The following ABHD3 variants were observed in gnomAD, a reference collection of about 807,000 sequenced individuals.
ABHD3 encodes the protein phospholipase ABHD3.
A neutral mutation model predicts 48.8 loss-of-function variants in ABHD3; 46 were observed. The ratio of observed to expected loss-of-function variants is 0.94; its 90% CI spans 0.74 to 1.20. ABHD3 has a LOEUF of 1.20. Ranked by LOEUF, ABHD3 falls within the 50% of genes most tolerant of loss-of-function variation. The pLI is 0.00. For missense variants in ABHD3, 490 were observed against 497.8 expected (o/e 0.98, Z 0.15); for synonymous variants, 192 against 183.7 (o/e 1.04, Z -0.36).
chr18:21,675,578 T>G (rs1303775020), intron 4 of ABHD3, among the ~76,000 whole-genome samples: 5 of 151,950 alleles, frequency 3.3e-5, no homozygotes, highest in Non-Finnish European at 5.9e-5. Flanking sequence ...GAGGTGGTTT[T>G]GTTTTGTTTT....
intron 4 of ABHD3, among the ~76,000 whole-genome samples, chr18:21,665,057 G>A: frequency 6.6e-6 from 1 of 151,848 alleles, no homozygotes; most frequent in Non-Finnish European, 1.5e-5. Context: ...TGATTTTCCT[G>A]CCTCACTCCC....
At chr18:21,675,832 C>T (rs2039871323) in intron 4 of ABHD3, among the ~76,000 whole-genome samples, 1 of 152,156 alleles carries the variant, frequency 6.6e-6, no homozygotes, top group Non-Finnish European at 1.5e-5. Flanking sequence ...GTAGCTCATG[C>T]CTGTAATCCC....
intron 4 of ABHD3, among the ~76,000 whole-genome samples, chr18:21,666,174 C>T (rs1000741069): frequency 6.6e-6 from 1 of 152,004 alleles, no homozygotes; most frequent in Non-Finnish European, 1.5e-5. Context: ...GCTGGGACTG[C>T]AGGTGTGCAC....
At chr18:21,663,194 A>T (rs998989844) in intron 5 of ABHD3, among the ~76,000 whole-genome samples, 12 of 152,092 alleles carry the variant, frequency 7.9e-5, no homozygotes, top group African/African-American at 2.7e-4. Flanking sequence ...TTATCTTTTT[A>T]AAAAAATTAA....
At chr18:21,684,965 C>T (rs1013728364) in intron 3 of ABHD3, among the ~76,000 whole-genome samples, 3 of 152,180 alleles carry the variant, frequency 2.0e-5, no homozygotes, top group Non-Finnish European at 4.4e-5. Flanking sequence ...AGTAAGTACT[C>T]GGTGAAAGTT....
chr18:21,675,559 A>G (rs937186086), intron 4 of ABHD3, among the ~76,000 whole-genome samples: 9 of 151,710 alleles, frequency 5.9e-5, no homozygotes, highest in East Asian at 3.9e-4. Flanking sequence ...GAGTCACCGC[A>G]CCCAGCCTGA....
At chr18:21,680,820 T>G (rs759668257) in intron 4 of ABHD3, among the ~76,000 whole-genome samples, 22 of 151,928 alleles carry the variant, frequency 1.4e-4, no homozygotes, top group Admixed American at 6.6e-4. Flanking sequence ...CTCTCCTCCT[T>G]CCTATTTGTT....
chr18:21,670,995 CAG>C (rs1390373057), intron 4 of ABHD3, among the ~76,000 whole-genome samples: 6 of 152,112 alleles, frequency 3.9e-5, no homozygotes, highest in Non-Finnish European at 7.4e-5. Context: ...GCCTGGGTGA[CAG>C]AGTTAGACCC....
intron 4 of ABHD3, among the ~76,000 whole-genome samples, chr18:21,682,737 T>TC (rs372836257): frequency 6.0e-4 from 91 of 152,000 alleles, no homozygotes; most frequent in Middle Eastern, 3.4e-3. Flanking sequence ...GACCATGTCT[T>TC]CCCCCCCGGC....
At chr18:21,663,568 G>T in intron 5 of ABHD3, 1 of 1,100,692 alleles carries the variant, frequency 9.1e-7, no homozygotes, top group Non-Finnish European at 1.3e-6. Context: ...ATATCCGTAT[G>T]CTTAAAATAA....
At position 21,702,473 on chromosome 18, in the gene ABHD3, C is replaced by G. The variant is rs1397400571; in HGVS notation, c.352G>C (p.Gly118Arg). ...RNELIKTADGGQISLDWFDND... is the reference protein window; with the variant it reads ...RNELIKTADGRQISLDWFDND... ...TCAAACCAGTCCAGTGAAATCTGTC[C>G]TCCATCTGCAGTTTTAATAAGTTCA... is the stretch of plus-strand genomic sequence containing the variant. The change falls in exon 3 of 9, where the codon GGA becomes CGA. Residue 118 changes from glycine (G) to arginine (R), a missense_variant. Coordinates refer to ENST00000289119, the MANE Select transcript of ABHD3 (RefSeq NM_138340.5). The G allele has an allele frequency of 5.6e-6, 9 of 1,604,618 alleles. No homozygotes were observed. The highest frequency in any genetic ancestry group is 7.7e-6 in the Non-Finnish European group (9 of 1,174,640).
chr18:21,702,308 A>C lies in ABHD3; in HGVS notation c.509+8T>G, dbSNP rs2040530123. 1 of 1,560,628 alleles carries C rather than the reference A, an allele frequency of 6.4e-7. No homozygotes were observed. Among genetic ancestry groups the C allele is most frequent in the African/African-American group, 1.4e-5 (1 of 72,930 alleles). ...TCAAGTGAAAAAAAAGAAATCTTTT[A>C]CTGGTACCTGTATCCTAATTCTTCA... On this transcript the variant is annotated splice_region_variant and intron_variant, in intron 3 of 8. Transcript: ENST00000289119.
At chr18:21,656,096 C>T (rs953627648) in intron 8 of ABHD3, among the ~76,000 whole-genome samples, 14 of 150,094 alleles carry the variant, frequency 9.3e-5, no homozygotes, top group Admixed American at 6.0e-4. Context: ...GCGGAGGTTG[C>T]AGTGAGCCGA....
chr18:21,694,460 G>C (rs984588826), intron 3 of ABHD3, among the ~76,000 whole-genome samples: 6 of 152,190 alleles, frequency 3.9e-5, no homozygotes, highest in African/African-American at 1.4e-4. Context: ...AGTCTCTCAA[G>C]AATATAAATG....
At chr18:21,684,263 A>C (rs1189351291) in intron 3 of ABHD3, among the ~76,000 whole-genome samples, 1 of 150,110 alleles carries the variant, frequency 6.7e-6, no homozygotes, top group Non-Finnish European at 1.5e-5. Context: ...GCCTCCAACA[A>C]GTGTTTTTAA....
chr18:21,681,761 C>A (rs759570091), intron 4 of ABHD3, among the ~76,000 whole-genome samples: 6 of 152,118 alleles, frequency 3.9e-5, no homozygotes, highest in Non-Finnish European at 8.8e-5. Context: ...CATAGATCAC[C>A]TGGGTCTGAA....
chr18:21,692,289 T>C (rs1010057604), intron 3 of ABHD3, among the ~76,000 whole-genome samples: 1 of 152,164 alleles, frequency 6.6e-6, no homozygotes, highest in Non-Finnish European at 1.5e-5. Context: ...CCAGCTAATT[T>C]TGATCAAATT....
At chr18:21,652,426 AAAAG>A (rs2039245072) in intron 8 of ABHD3, among the ~76,000 whole-genome samples, 1 of 152,016 alleles carries the variant, frequency 6.6e-6, no homozygotes, top group African/African-American at 2.4e-5. Flanking sequence ...AAAAAGAAGA[AAAAG>A]AAAAAGAGAA....
At chr18:21,668,056 C>A (rs924284606) in intron 4 of ABHD3, among the ~76,000 whole-genome samples, 4 of 151,404 alleles carry the variant, frequency 2.6e-5, no homozygotes, top group Non-Finnish European at 5.9e-5. Flanking sequence ...CAAAAATTAG[C>A]CGGGTGTGGT....
Sources: gnomAD v4.1 joint callset for allele counts (sites outside exome capture counted in the v4.1 genomes callset) on GRCh38, gnomAD v4.1.1 for gene constraint, MANE v1.5 for transcripts, NCBI Gene and HGNC (gene_info 2026-07-23, HGNC 2026-07-21) for gene names.